The following FMNL2 variants were observed in gnomAD, a reference collection of about 807,000 sequenced individuals.
FMNL2 encodes formin-like protein 2.
In FMNL2, 51 loss-of-function variants were observed where a neutral mutation model predicts 130.2. That is an observed-to-expected ratio of 0.39 (90% CI 0.31 to 0.49). The LOEUF (loss-of-function observed/expected upper bound fraction) is 0.49, where lower values mean the gene tolerates loss of function less well. FMNL2 is among the 20% of genes least tolerant of loss of function. FMNL2 has a pLI of 0.85. For missense variants in FMNL2, 977 were observed against 1,316.2 expected (o/e 0.74, Z 3.99); for synonymous variants, 465 against 467.1 (o/e 1.00, Z 0.06).
At position 152,550,588 on chromosome 2, in the gene FMNL2, T is replaced by C. The variant is rs529621555; in HGVS notation, c.359+1491T>C. ...TCTGTTGTTTTTCCTGTATGACTTA[T>C]GCTGGCAGCCGTTTCCCTGAAAGTA... On this transcript the variant is annotated intron_variant, in intron 4 of 25. Coordinates refer to ENST00000288670, the MANE Select transcript of FMNL2 (RefSeq NM_052905.4). 1.3e-3 allele frequency among the ~76,000 whole-genome samples: 196 copies of C among 152,364 alleles called. 1 individual carries two copies. Among genetic ancestry groups the C allele is most frequent in the Non-Finnish European group, 2.2e-3 (153 of 68,034 alleles).
At chr2:152,473,984 C>T (rs573477999) in intron 1 of FMNL2, among the ~76,000 whole-genome samples, 1 of 152,202 alleles carries the variant, frequency 6.6e-6, no homozygotes, top group African/African-American at 2.4e-5. Context: ...AAACAATTTT[C>T]CTGCCTCAGC....
intron 1 of FMNL2, among the ~76,000 whole-genome samples, chr2:152,363,593 G>A (rs1024807815): frequency 6.6e-5 from 10 of 151,264 alleles, no homozygotes; most frequent in African/African-American, 9.7e-5. Context: ...ACAGAGTCTC[G>A]CTCTGTCGCC....
chr2:152,526,391 C>G (rs1268675621), intron 2 of FMNL2, among the ~76,000 whole-genome samples: 1 of 152,136 alleles, frequency 6.6e-6, no homozygotes, highest in Non-Finnish European at 1.5e-5. Flanking sequence ...CTGGCCCTTT[C>G]CCTCCTTTTT....
chr2:152,521,809 T>A, intron 1 of FMNL2, 134 bp from the exon 2 acceptor site: 1 of 710,638 alleles, frequency 1.4e-6, no homozygotes, highest in East Asian at 2.7e-5. Flanking sequence ...GTGTTTTGGT[T>A]TAATCAGATA....
intron 5 of FMNL2, among the ~76,000 whole-genome samples, chr2:152,559,793 A>C (rs940337728): frequency 6.6e-6 from 1 of 152,116 alleles, no homozygotes; most frequent in Non-Finnish European, 1.5e-5. Context: ...TTCTCTTTTT[A>C]GCAGTTAAAA....
At chr2:152,354,133 C>G (rs764155195) in intron 1 of FMNL2, among the ~76,000 whole-genome samples, 9 of 152,190 alleles carry the variant, frequency 5.9e-5, no homozygotes, top group Non-Finnish European at 1.3e-4. Context: ...AATGGAAGTG[C>G]TAGTGTTTTC....
intron 1 of FMNL2, among the ~76,000 whole-genome samples, chr2:152,518,735 A>G (rs1432924062): frequency 6.6e-6 from 1 of 152,150 alleles, no homozygotes; most frequent in Non-Finnish European, 1.5e-5. Flanking sequence ...ACCTTTCTTC[A>G]TTCAACGTGC....
intron 1 of FMNL2, among the ~76,000 whole-genome samples, chr2:152,481,691 G>A (rs1558900343): frequency 6.6e-6 from 1 of 152,152 alleles, no homozygotes. Context: ...GTTGAAATTT[G>A]TTTTACGTGT....
chr2:152,386,667 TC>T (rs1684800807), intron 1 of FMNL2, among the ~76,000 whole-genome samples: 1 of 96,264 alleles, frequency 1.0e-5, no homozygotes, highest in African/African-American at 4.1e-5. Context: ...CAATTCATTG[TC>T]TGTCTGATTT....
rs145507581 is a variant in FMNL2, at chr2:152,568,307, C to A, written c.597-6829C>A. Among the ~76,000 whole-genome samples the A allele has an allele frequency of 5.8e-3, 850 of 147,738 alleles. 14 individuals are homozygous for A. The highest frequency in any genetic ancestry group is 0.02 in the African/African-American group (810 of 39,918). On this transcript the variant is annotated intron_variant, in intron 6 of 25. Coordinates refer to ENST00000288670, the MANE Select transcript of FMNL2 (RefSeq NM_052905.4). ...CTCGGCTCACTGCAACCTCCACCTC[C>A]CAGGTTCAAGCAATTCTTTTGCCTC... is the stretch of plus-strand genomic sequence containing the variant.
At chr2:152,569,279 C>T (rs562691256) in intron 6 of FMNL2, among the ~76,000 whole-genome samples, 24 of 152,214 alleles carry the variant, frequency 1.6e-4, no homozygotes, top group Middle Eastern at 3.4e-3. Flanking sequence ...GCTGCTTCTC[C>T]GGATTTTCTT....
At chr2:152,418,961 GAT>G (rs1227420921) in intron 1 of FMNL2, among the ~76,000 whole-genome samples, 2 of 140,876 alleles carry the variant, frequency 1.4e-5, no homozygotes, top group African/African-American at 2.6e-5. Context: ...GCTTGCAAAG[GAT>G]ATGTGTCTTT....
intron 1 of FMNL2, among the ~76,000 whole-genome samples, chr2:152,509,856 T>G (rs188645971): frequency 9.7e-4 from 141 of 145,052 alleles, no homozygotes; most frequent in Admixed American, 3.8e-3. Flanking sequence ...GTGATCCTCC[T>G]GCCCCAGCCT....
In FMNL2 at chr2:152,489,800, T is replaced by C. The variant is rs112012248; in HGVS notation, c.118-32143T>C. Among the ~76,000 whole-genome samples the C allele has an allele frequency of 5.7e-3, 870 of 152,266 alleles. 7 individuals are homozygous for C. The highest frequency in any genetic ancestry group is 0.02 in the African/African-American group (834 of 41,544). Reference sequence around the variant, plus strand: ...AGTCTAAGAAAAATTCATCTTGAGCTGAGGAGATAGAGATGACCTGCCAAA... The same window carrying C: ...AGTCTAAGAAAAATTCATCTTGAGCCGAGGAGATAGAGATGACCTGCCAAA... On this transcript the variant is annotated intron_variant, in intron 1 of 25. Coordinates refer to ENST00000288670, the MANE Select transcript of FMNL2 (RefSeq NM_052905.4).
At chr2:152,516,946 AG>A (rs1692805752) in intron 1 of FMNL2, among the ~76,000 whole-genome samples, 1 of 151,852 alleles carries the variant, frequency 6.6e-6, no homozygotes. Context: ...TATTTTCAAA[AG>A]GTTCTGAGAT....
chr2:152,475,372 T>C (rs1316884020), intron 1 of FMNL2, among the ~76,000 whole-genome samples: 2 of 152,258 alleles, frequency 1.3e-5, no homozygotes, highest in South Asian at 2.1e-4. Context: ...TGGAGATAGA[T>C]GTCCAACCTC....
chr2:152,429,923 C>T (rs1443624097), intron 1 of FMNL2, among the ~76,000 whole-genome samples: 1 of 152,140 alleles, frequency 6.6e-6, no homozygotes, highest in East Asian at 1.9e-4. Context: ...TGCATTTACA[C>T]ATCTATCTTG....
chr2:152,445,900 C>G (rs1688308296), intron 1 of FMNL2, among the ~76,000 whole-genome samples: 1 of 152,200 alleles, frequency 6.6e-6, no homozygotes, highest in Non-Finnish European at 1.5e-5. Context: ...TTTCCCATCC[C>G]TAAACCACAC....
intron 1 of FMNL2, among the ~76,000 whole-genome samples, chr2:152,452,515 G>A (rs1202544296): frequency 7.8e-6 from 1 of 128,004 alleles, no homozygotes; most frequent in African/African-American, 3.0e-5. Flanking sequence ...AATCAATGTG[G>A]GTTGGTAGGA....
Sources: gnomAD v4.1 joint callset for allele counts (sites outside exome capture counted in the v4.1 genomes callset) on GRCh38, gnomAD v4.1.1 for gene constraint, MANE v1.5 for transcripts, NCBI Gene and HGNC (gene_info 2026-07-23, HGNC 2026-07-21) for gene names.